The following CUL2 variants were observed in gnomAD, a reference collection of about 807,000 sequenced individuals.
CUL2 encodes cullin-2.
CUL2 carries 22 observed loss-of-function variants against 110.2 expected under a neutral mutation model. The ratio of observed to expected loss-of-function variants is 0.20; its 90% confidence interval spans 0.14 to 0.28. The LOEUF is 0.28. CUL2 is among the 10% of genes least tolerant of loss of function. CUL2 has a pLI of 1.00. For synonymous variants in CUL2, 279 were observed against 293.2 expected (o/e 0.95, Z 0.49); for missense variants, 631 against 905.5 (o/e 0.70, Z 3.89).
At chr10:35,080,214 T>G (rs1294738336) in intron 1 of CUL2, among the ~76,000 whole-genome samples, 2 of 152,150 alleles carry the variant, frequency 1.3e-5, no homozygotes, top group Non-Finnish European at 2.9e-5. Flanking sequence ...CCAAATATGT[T>G]GCCATCATTT....
At chr10:35,027,147 T>C (rs2085355937) in intron 16 of CUL2, among the ~76,000 whole-genome samples, 3 of 149,458 alleles carry the variant, frequency 2.0e-5, no homozygotes, top group African/African-American at 7.4e-5. Flanking sequence ...TAGATACTTT[T>C]TTTTTTTTTT....
rs374258166 is a variant in CUL2, at chr10:35,116,826, G to A, written c.-51+9779C>T. 3.9e-4 allele frequency among the ~76,000 whole-genome samples: 60 copies of A among 152,056 alleles called. No homozygotes were observed. In the East Asian group the frequency reaches 7.0e-3, roughly 18 times the overall value. On this transcript the variant is annotated intron_variant, in intron 1 of 5. Transcript: ENST00000685421. ...CAAAAGAATAGCTGGGCGTGGTGGC[G>A]CACGCCTGTAGTCCCAGCTACCCGG...
At chr10:35,107,231 C>A (rs1262890253) in intron 1 of CUL2, among the ~76,000 whole-genome samples, 8 of 151,968 alleles carry the variant, frequency 5.3e-5, no homozygotes, top group Non-Finnish European at 8.8e-5. Context: ...ACCTTGGCCT[C>A]CCAAAGTGCT....
chr10:35,041,201 T>C (rs1257257986), intron 8 of CUL2, among the ~76,000 whole-genome samples: 2 of 152,216 alleles, frequency 1.3e-5, no homozygotes, highest in East Asian at 3.8e-4. Context: ...CATACTATAG[T>C]GACTTTAATC....
At chr10:35,065,640 A>T (rs186766527) in intron 2 of CUL2, among the ~76,000 whole-genome samples, 2 of 151,606 alleles carry the variant, frequency 1.3e-5, no homozygotes, top group Non-Finnish European at 2.9e-5. Context: ...AATAAATAAA[A>T]ATTTAAAAAA....
At chr10:35,063,406 A>T (rs192585538) in intron 2 of CUL2, among the ~76,000 whole-genome samples, 2 of 152,314 alleles carry the variant, frequency 1.3e-5, no homozygotes, top group African/African-American at 4.8e-5. Flanking sequence ...GGATATTAGT[A>T]TCAATAGTAT....
rs887241777 is a variant in CUL2 at position 35,009,042 on chromosome 10, A to G, written c.*1269T>C. 6.6e-6 allele frequency: 1 copy of G among 151,954 alleles called. No individual in the cohort carries two copies. The highest frequency in any genetic ancestry group is 1.5e-5 in the Non-Finnish European group (1 of 67,968). The allele number at this position is 151,954 out of a possible 1,614,324, so 9.4% of individuals were successfully genotyped here. Reference sequence around the variant, plus strand: ...GAAGTTCCAGACTAGCCTGGGAAACATGGCGAAACCCCGTCTCTTATTTTT... The same window carrying G: ...GAAGTTCCAGACTAGCCTGGGAAACGTGGCGAAACCCCGTCTCTTATTTTT... On this transcript the variant is annotated 3_prime_UTR_variant, in exon 21 of 21. Coordinates refer to ENST00000374749, the MANE Select transcript of CUL2 (RefSeq NM_003591.4).
At chr10:35,119,743 T>G (rs2087655628) in intron 1 of CUL2, among the ~76,000 whole-genome samples, 1 of 151,904 alleles carries the variant, frequency 6.6e-6, no homozygotes, top group Non-Finnish European at 1.5e-5. Context: ...TCATTTTTCT[T>G]TTTTTTGGTA....
chr10:35,105,720 G>GA lies in CUL2; in HGVS notation c.-50-4661dup, dbSNP rs200810888. ...GAGACTCTGTCTCAAAAAAAAAAAA[G>GA]AAAAAAACCCAAAACTAATTACATA... On this transcript the variant is annotated intron_variant, in intron 1 of 5. Coordinates refer to the CUL2 transcript ENST00000685421. 5.8e-4 allele frequency among the ~76,000 whole-genome samples: 78 copies of GA among 134,270 alleles called. 2 individuals are homozygous for GA. In the East Asian group the frequency reaches 0.012, roughly 21 times the overall value. 88.1% of individuals were successfully genotyped at this position (134,270 alleles called of 152,430 possible). A position where few individuals can be genotyped will look rare whatever the true frequency, so the allele number is the denominator to read the frequency against.
At chr10:35,096,109 C>T (rs181712209) in intron 2 of CUL2, among the ~76,000 whole-genome samples, 3 of 151,734 alleles carry the variant, frequency 2.0e-5, no homozygotes, top group Non-Finnish European at 4.4e-5. Context: ...TAAGCCTGGG[C>T]TGGTGGTGTG....
At chr10:35,100,883 G>C (rs1246050082) in exon 2 of CUL2, 1 of 151,782 alleles carries the variant, frequency 6.6e-6, no homozygotes, top group Non-Finnish European at 1.5e-5. Context: ...ATACAGAAGA[G>C]TTCCATTCTC....
intron 1 of CUL2, among the ~76,000 whole-genome samples, chr10:35,086,855 AAC>A (rs2087077647): frequency 6.6e-6 from 1 of 152,224 alleles, no homozygotes; most frequent in Non-Finnish European, 1.5e-5. Context: ...ACTACTATTT[AAC>A]ACTCTAAAAA....
In CUL2 at chr10:35,032,326, C is replaced by A. The variant is rs368515235; in HGVS notation, c.1170+109G>T. The A allele has an allele frequency of 5.5e-6, 5 of 907,400 alleles. No individual in the cohort carries two copies. The African/African-American group carries it at 8.5e-5, about 15-fold the overall frequency. 56.2% of individuals were successfully genotyped at this position (907,400 alleles called of 1,614,324 possible). On this transcript the variant is annotated intron_variant, in intron 12 of 20. Coordinates refer to ENST00000374749, the MANE Select transcript of CUL2 (RefSeq NM_003591.4). ...ATATACAATGTAGATAATTTTCCTT[C>A]TATTTTTCTGAAAAATGCTACAAAA...
chr10:35,042,013 CAT>C (rs2085805298), intron 8 of CUL2, among the ~76,000 whole-genome samples: 1 of 152,120 alleles, frequency 6.6e-6, no homozygotes, highest in Non-Finnish European at 1.5e-5. Context: ...GTGGTAAAAA[CAT>C]AGATAATAAA....
chr10:35,088,778 T>C (rs1219389630), intron 1 of CUL2, among the ~76,000 whole-genome samples: 4 of 152,076 alleles, frequency 2.6e-5, no homozygotes, highest in Admixed American at 2.6e-4. Context: ...AACATCCAAA[T>C]ACTCAAAAAG....
intron 17 of CUL2, among the ~76,000 whole-genome samples, chr10:35,018,999 A>T (rs2085118624): frequency 6.6e-6 from 1 of 152,206 alleles, no homozygotes; most frequent in Non-Finnish European, 1.5e-5. Context: ...TCCAATTCAT[A>T]GAAACAGCTT....
chr10:35,037,330 C>A (rs898279855), intron 9 of CUL2, among the ~76,000 whole-genome samples: 2 of 152,194 alleles, frequency 1.3e-5, no homozygotes, highest in African/African-American at 4.8e-5. Context: ...CATCAAGTGG[C>A]CACATATGCT....
At position 35,044,646 on chromosome 10, in the gene CUL2, G is replaced by T. The variant is rs1422010048; in HGVS notation, c.634C>A (p.Leu212Met). 3.1e-6 allele frequency: 5 copies of T among 1,609,638 alleles called. No homozygotes were observed. The African/African-American group carries it at 6.7e-5, about 22-fold the overall frequency. ...FYQEIFESPF[L>M]TETGEYYKQE... The stretch of plus-strand genomic sequence containing the variant: ...TTGTAATACTCTCCTGTTTCAGTCA[G>T]AAAGGGAGACTCAAAAATTTCCTGA... Residue 212 changes from leucine (L) to methionine (M), a missense_variant, in exon 8 of 21, where the codon CTG becomes ATG. Physicochemically the swap from Leu to Met is conservative, Grantham distance 15. Around this residue, in one of 3 missense-constraint regions of CUL2, gnomAD observed 338 missense variants for 442.5 expected, o/e 0.76. Transcript: ENST00000374749.
chr10:35,079,436 C>T (rs1178836062), intron 1 of CUL2, among the ~76,000 whole-genome samples: 1 of 152,210 alleles, frequency 6.6e-6, no homozygotes, highest in Non-Finnish European at 1.5e-5. Flanking sequence ...GGATCCCTTG[C>T]TGAGTCTTCA....
Sources: gnomAD v4.1 joint callset for allele counts (sites outside exome capture counted in the v4.1 genomes callset) on GRCh38, gnomAD v4.1.1 for gene constraint, gnomAD v4.1.1 regional missense constraint, MANE v1.5 for transcripts, NCBI Gene and HGNC (gene_info 2026-07-23, HGNC 2026-07-21) for gene names.